The following PRR5L variants were observed in gnomAD, a reference collection of about 807,000 sequenced individuals.
The protein encoded by PRR5L is proline-rich protein 5-like.
A neutral mutation model predicts 36.4 loss-of-function variants in PRR5L; 21 were observed. The observed-to-expected ratio is 0.58, with a 90% CI of 0.41 to 0.83. The LOEUF (loss-of-function observed/expected upper bound fraction) is 0.83, where lower values mean the gene tolerates loss of function less well. Ranked by LOEUF, PRR5L falls within the 40% of genes least tolerant of loss-of-function variation. The pLI is 0.00. For missense variants in PRR5L, 381 were observed against 473.3 expected, an observed-to-expected ratio of 0.80 and a Z score of 1.81; for synonymous variants, 188 against 197.0, an observed-to-expected ratio of 0.95 and a Z score of 0.38.
chr11:36,304,381 C>T (rs1856408083), intron 1 of PRR5L, among the ~76,000 whole-genome samples: 1 of 152,144 alleles, frequency 6.6e-6, no homozygotes, highest in South Asian at 2.1e-4. Context: ...GGCAAAAATC[C>T]CTGCTCTCAT....
At chr11:36,455,929 G>A (rs1369992320) in intron 8 of PRR5L, among the ~76,000 whole-genome samples, 1 of 152,150 alleles carries the variant, frequency 6.6e-6, no homozygotes, top group Non-Finnish European at 1.5e-5. Context: ...TCCTGGCTCT[G>A]CCCACACCCA....
Position 36,462,748 on chromosome 11 carries a change from T to G in PRR5L, c.*12T>G, listed in dbSNP as rs1859218824. The G allele has an allele frequency of 2.0e-6, 3 of 1,518,156 alleles. No individual in the cohort carries two copies. Among genetic ancestry groups the G allele is most frequent in the Non-Finnish European group, 2.6e-6 (3 of 1,133,814 alleles). 94.0% of individuals were successfully genotyped at this position (1,518,156 alleles called of 1,614,324 possible). On this transcript the variant is annotated 3_prime_UTR_variant, in exon 9 of 9. Transcript: ENST00000530639. ...CTTCCCTCAGCTGAGTCGCCACCCC[T>G]GGGCCTTTCCATCTCCTGTTTTGCA...
At chr11:36,382,932 C>T (rs1206475367) in intron 1 of PRR5L, among the ~76,000 whole-genome samples, 2 of 152,104 alleles carry the variant, frequency 1.3e-5, no homozygotes, top group Non-Finnish European at 2.9e-5. Flanking sequence ...GGGGAGGGCC[C>T]AGGAATCTAT....
intron 1 of PRR5L, among the ~76,000 whole-genome samples, chr11:36,350,273 GTGT>G (rs767904217): frequency 6.4e-4 from 97 of 150,772 alleles, no homozygotes; most frequent in Admixed American, 1.1e-3. Context: ...GTGTGTGGAT[GTGT>G]GAGTCTGTGA....
At chr11:36,374,105 C>CT (rs1857227808) in intron 1 of PRR5L, among the ~76,000 whole-genome samples, 2 of 67,826 alleles carry the variant, frequency 2.9e-5, no homozygotes, top group Non-Finnish European at 6.1e-5. Flanking sequence ...TTCCTTCCTT[C>CT]CTCTCTCTCT....
intron 1 of PRR5L, among the ~76,000 whole-genome samples, chr11:36,328,670 G>C (rs1277186470): frequency 1.3e-5 from 2 of 152,108 alleles, no homozygotes; most frequent in Non-Finnish European, 2.9e-5. Flanking sequence ...GGCAGTATAT[G>C]TTTTTCCCGA....
At position 36,462,834 on chromosome 11, in the gene PRR5L, T is replaced by C. The variant is rs1445808363; in HGVS notation, c.*98T>C. 9 of 1,155,298 alleles carry C rather than the reference T, an allele frequency of 7.8e-6. No homozygotes were observed. The highest frequency in any genetic ancestry group is 1.1e-5 in the Non-Finnish European group (9 of 836,054). 71.6% of individuals were successfully genotyped at this position (1,155,298 alleles called of 1,614,324 possible). ...TGAGGGGGGCTCTTGCTTTATGCGA[T>C]GCTGCCTTATTTCCTTTAGGGTACT... On this transcript the variant is annotated 3_prime_UTR_variant, in exon 9 of 9. Transcript: ENST00000530639.
At position 36,437,410 on chromosome 11, in the gene PRR5L, T is replaced by C; in HGVS notation, c.378T>C (p.Ala126=). ...GTGAAAATCGCATTGAGGTTCTGGC[T>C]GAAGTCTGGGACCACTTCTTCACTG... ...CEGENRIEVL[A]EVWDHFFTET... is the part of the protein sequence containing the mutation. The change falls in exon 6 of 9, where the codon GCT becomes GCC. Residue 126 remains alanine (A), a synonymous_variant. Transcript: ENST00000530639. The C allele has an allele frequency of 1.2e-6, 2 of 1,612,904 alleles. No individual in the cohort carries two copies. Among genetic ancestry groups the C allele is most frequent in the Non-Finnish European group, 1.7e-6 (2 of 1,178,844 alleles).
chr11:36,459,296 G>C (rs1024734331), intron 8 of PRR5L, among the ~76,000 whole-genome samples: 1 of 152,154 alleles, frequency 6.6e-6, no homozygotes, highest in Non-Finnish European at 1.5e-5. Context: ...CCTTGTCATG[G>C]TGCTTACTCT....
At chr11:36,374,963 G>A (rs188304868) in intron 1 of PRR5L, among the ~76,000 whole-genome samples, 2 of 152,228 alleles carry the variant, frequency 1.3e-5, no homozygotes, top group East Asian at 3.9e-4. Context: ...TGCCAGGCAC[G>A]GTGGCTTATG....
chr11:36,356,554 C>T (rs1857030093), intron 1 of PRR5L, among the ~76,000 whole-genome samples: 4 of 152,108 alleles, frequency 2.6e-5, no homozygotes, highest in Non-Finnish European at 5.9e-5. Context: ...AGTCAATTGG[C>T]CCCATTTTTC....
intron 1 of PRR5L, among the ~76,000 whole-genome samples, chr11:36,383,011 A>G (rs1857396784): frequency 6.6e-6 from 1 of 152,210 alleles, no homozygotes; most frequent in Admixed American, 6.5e-5. Flanking sequence ...AAAGTACAAG[A>G]TCTACACCTG....
intron 1 of PRR5L, among the ~76,000 whole-genome samples, chr11:36,384,072 T>C (rs1028594062): frequency 6.6e-6 from 1 of 152,222 alleles, no homozygotes; most frequent in Non-Finnish European, 1.5e-5. Flanking sequence ...AGATATTTGT[T>C]GAAATGTGAT....
intron 3 of PRR5L, among the ~76,000 whole-genome samples, chr11:36,407,343 G>C (rs964337566): frequency 2.6e-5 from 4 of 152,180 alleles, no homozygotes; most frequent in African/African-American, 9.7e-5. Context: ...AAAATGAAAA[G>C]CTGGGCGTGA....
intron 1 of PRR5L, among the ~76,000 whole-genome samples, chr11:36,353,850 C>T (rs766281512): frequency 8.5e-5 from 13 of 152,090 alleles, no homozygotes; most frequent in African/African-American, 2.2e-4. Context: ...GGTACTGATC[C>T]GCTGCCTGGG....
chr11:36,408,085 C>A (rs1462616106), intron 3 of PRR5L, among the ~76,000 whole-genome samples: 2 of 152,130 alleles, frequency 1.3e-5, no homozygotes, highest in South Asian at 2.1e-4. Flanking sequence ...ACCAGCCTGG[C>A]CAGCATGGCA....
At chr11:36,425,522 T>C (rs1319645779) in intron 4 of PRR5L, 1 of 152,248 alleles carries the variant, frequency 6.6e-6, no homozygotes, top group African/African-American at 2.4e-5. Context: ...CTGTCTTCCT[T>C]CTTCCTTATA....
intron 1 of PRR5L, among the ~76,000 whole-genome samples, chr11:36,308,080 GT>G (rs1856453952): frequency 6.6e-6 from 1 of 152,176 alleles, no homozygotes; most frequent in Non-Finnish European, 1.5e-5. Context: ...GTGGGTCATT[GT>G]CCCCTGAGGG....
intron 3 of PRR5L, among the ~76,000 whole-genome samples, chr11:36,406,312 G>T (rs1370474099): frequency 3.3e-5 from 5 of 151,938 alleles, no homozygotes; most frequent in Non-Finnish European, 7.4e-5. Flanking sequence ...GAAACTATGT[G>T]CCCAGATATA....
Sources: allele counts gnomAD v4.1 joint callset (sites outside exome capture counted in the v4.1 genomes callset), GRCh38; gene constraint gnomAD v4.1.1; transcripts MANE v1.5; gene names NCBI Gene and HGNC (gene_info 2026-07-23, HGNC 2026-07-21).